Variants in CMTM3 observed in about 807,000 individuals in gnomAD.
CMTM3 encodes CKLF-like MARVEL transmembrane domain-containing protein 3.
A neutral mutation model predicts 18.2 loss-of-function variants in CMTM3; 7 were observed. The observed-to-expected ratio is 0.38, with a 90% CI of 0.22 to 0.72. The LOEUF is 0.72. Ranked by LOEUF, CMTM3 falls within the 30% of genes least tolerant of loss-of-function variation. The pLI, the probability that CMTM3 is intolerant of heterozygous loss-of-function variation, is 0.46. For synonymous variants in CMTM3, 109 were observed against 111.2 expected (o/e 0.98, Z 0.12); for missense variants, 227 against 249.2 (o/e 0.91, Z 0.60).
Position 66,613,003 on chromosome 16 carries a change from G to C in CMTM3, c.*366G>C, listed in dbSNP as rs1596891296. 1.4e-6 allele frequency: 1 copy of C among 701,462 alleles called. No homozygotes were observed. Among genetic ancestry groups the C allele is most frequent in the South Asian group, 1.5e-5 (1 of 67,534 alleles). The allele number at this position is 701,462 out of a possible 1,614,324, so 43.5% of individuals were successfully genotyped here. On this transcript the variant is annotated 3_prime_UTR_variant, in exon 5 of 5. Transcript: ENST00000567572. ...ATGCTGCTAGGTGGCGGGGGTCGGG[G>C]GTCTTCTGTTTCACTAACAGGAACA...
Position 66,610,147 on chromosome 16 carries a change from C to G in CMTM3, c.520+144C>G. 9.9e-7 allele frequency: 1 copy of G among 1,012,750 alleles called. No homozygotes were observed. The highest frequency in any genetic ancestry group is 1.5e-5 in the South Asian group (1 of 65,398). The allele number at this position is 1,012,750 out of a possible 1,614,324, so 62.7% of individuals were successfully genotyped here. A position where few individuals can be genotyped will look rare whatever the true frequency, so the allele number is the denominator to read the frequency against. On this transcript the variant is annotated intron_variant, in intron 4 of 4. Coordinates refer to ENST00000567572, the MANE Select transcript of CMTM3 (RefSeq NM_181553.4). This position sits in a 1 kb window ranked among gnomAD's most constrained non-coding sequence, Gnocchi z 4.6. The stretch of plus-strand genomic sequence containing the variant: ...GTTTTCACAGCCCATTCTCACCTAC[C>G]CTCATGCAGCACTGATCCAAAGCCA...
Position 66,609,952 on chromosome 16 carries a change from T to C in CMTM3, c.469T>C (p.Phe157Leu), listed in dbSNP as rs1168722367. Reference protein sequence around the residue: ...FYLIFNDVAKFLKQGDSADET... With the variant: ...FYLIFNDVAKLLKQGDSADET... ...CCTGATCTTTAACGACGTGGCCAAA[T>C]TCCTCAAACAAGGGGACTCTGCAGA... is the stretch of plus-strand genomic sequence containing the variant. The change falls in exon 4 of 5, where the codon TTC becomes CTC. Residue 157 changes from phenylalanine to leucine, a missense_variant. Coordinates refer to ENST00000567572, the MANE Select transcript of CMTM3 (RefSeq NM_181553.4). This position sits in a 1 kb window ranked among gnomAD's most constrained non-coding sequence, Gnocchi z 4.4. 4 of 1,614,126 alleles carry C rather than the reference T, an allele frequency of 2.5e-6. No homozygotes were observed. The South Asian group carries it at 4.4e-5, about 18-fold the overall frequency.
chr16:66,612,716 C>T lies in CMTM3; in HGVS notation c.*79C>T, dbSNP rs2015428040. 4.2e-6 allele frequency: 6 copies of T among 1,435,244 alleles called. No individual in the cohort carries two copies. The highest frequency in any genetic ancestry group is 1.8e-5 in the Admixed American group (1 of 56,196). The allele number at this position is 1,435,244 out of a possible 1,614,324, so 88.9% of individuals were successfully genotyped here. A position where few individuals can be genotyped will look rare whatever the true frequency, so the allele number is the denominator to read the frequency against. On this transcript the variant is annotated 3_prime_UTR_variant, in exon 5 of 5. Coordinates refer to ENST00000567572, the MANE Select transcript of CMTM3 (RefSeq NM_181553.4). The surrounding 1 kb of genome is among the most constrained non-coding windows in gnomAD (Gnocchi z 6.0). ...CTCACAGGGGTCGCTGGCGTTGGAGCGGAGGCCTGGACTTCTGAGTTGCAG... is the reference window on the plus strand; with the variant it reads ...CTCACAGGGGTCGCTGGCGTTGGAGTGGAGGCCTGGACTTCTGAGTTGCAG...
In CMTM3 at chr16:66,604,855, G is replaced by A. The variant is rs1190687890; in HGVS notation, c.50G>A (p.Gly17Asp). Residue 17 changes from glycine to aspartate, a missense_variant, in exon 1 of 5, where the codon GGC becomes GAC. Gly to Asp is a moderately conservative substitution (Grantham distance 94). Transcript: ENST00000567572. ...GACCCGGACCCCGAGCCTGCCGGCG[G>A]CTCCCGTCCCGGCCCCGCGGTCCCC... ...DPDPDPEPAG[G>D]SRPGPAVPGL... 7.3e-7 allele frequency: 1 copy of A among 1,376,662 alleles called. No homozygotes were observed. The allele number at this position is 1,376,662 out of a possible 1,614,324, so 85.3% of individuals were successfully genotyped here. A position where few individuals can be genotyped will look rare whatever the true frequency, so the allele number is the denominator to read the frequency against.
intron 4 of CMTM3, among the ~76,000 whole-genome samples, chr16:66,611,517 G>A (rs1046501035): frequency 6.6e-6 from 1 of 152,158 alleles, no homozygotes; most frequent in Non-Finnish European, 1.5e-5. Flanking sequence ...CCGGAGTGAG[G>A]GACAGAGCTG....
In CMTM3 at chr16:66,609,649, C is replaced by T. The variant is rs1298399087; in HGVS notation, c.399+119C>T. 19 of 1,518,492 alleles carry T rather than the reference C, an allele frequency of 1.3e-5. No individual in the cohort carries two copies. The East Asian group carries it at 2.5e-4, about 20-fold the overall frequency. 94.1% of individuals were successfully genotyped at this position (1,518,492 alleles called of 1,614,324 possible). A position where few individuals can be genotyped will look rare whatever the true frequency, so the allele number is the denominator to read the frequency against. On this transcript the variant is annotated intron_variant, in intron 3 of 4. Coordinates refer to ENST00000567572, the MANE Select transcript of CMTM3 (RefSeq NM_181553.4). This position sits in a 1 kb window ranked among gnomAD's most constrained non-coding sequence, Gnocchi z 4.4. ...CCCCCCTGGGGTCTCATGTGGGTCC[C>T]GATGATGATTCCAAAGTCCTCTCAT... is the stretch of plus-strand genomic sequence containing the variant.
rs1031286828 is a variant in CMTM3, at chr16:66,609,623, G to C, written c.399+93G>C. 2.6e-6 allele frequency: 4 copies of C among 1,512,930 alleles called. No homozygotes were observed. The highest frequency in any genetic ancestry group is 2.7e-6 in the Non-Finnish European group (3 of 1,118,600). The allele number at this position is 1,512,930 out of a possible 1,614,324, so 93.7% of individuals were successfully genotyped here. A position where few individuals can be genotyped will look rare whatever the true frequency, so the allele number is the denominator to read the frequency against. On this transcript the variant is annotated intron_variant, in intron 3 of 4. Coordinates refer to ENST00000567572, the MANE Select transcript of CMTM3 (RefSeq NM_181553.4). The surrounding 1 kb of genome is among the most constrained non-coding windows in gnomAD (Gnocchi z 4.4). ...TGGGGCAGAGCCTTTCCCTGCTGGGGCCCCCCTGGGGTCTCATGTGGGTCC... is the reference window on the plus strand; with the variant it reads ...TGGGGCAGAGCCTTTCCCTGCTGGGCCCCCCCTGGGGTCTCATGTGGGTCC...
rs2015460012 is a variant in CMTM3, at chr16:66,613,471, C to T, written c.*834C>T. 1 of 279,308 alleles carries T rather than the reference C, an allele frequency of 3.6e-6. No homozygotes were observed. Among genetic ancestry groups the T allele is most frequent in the East Asian group, 6.6e-5 (1 of 15,062 alleles). The allele number at this position is 279,308 out of a possible 1,614,324, so 17.3% of individuals were successfully genotyped here. A position where few individuals can be genotyped will look rare whatever the true frequency, so the allele number is the denominator to read the frequency against. ...ACCCTCAGGACAGTGAACTTCCAGACCTCAGGGCAGGTCTATGGGCCACTG... is the reference window on the plus strand; with the variant it reads ...ACCCTCAGGACAGTGAACTTCCAGATCTCAGGGCAGGTCTATGGGCCACTG... On this transcript the variant is annotated 3_prime_UTR_variant, in exon 5 of 5. Coordinates refer to ENST00000567572, the MANE Select transcript of CMTM3 (RefSeq NM_181553.4).
At position 66,609,596 on chromosome 16, in the gene CMTM3, C is replaced by A; in HGVS notation, c.399+66C>A. 6.5e-7 allele frequency: 1 copy of A among 1,526,816 alleles called. No individual in the cohort carries two copies. Among genetic ancestry groups the A allele is most frequent in the Non-Finnish European group, 8.9e-7 (1 of 1,126,320 alleles). The allele number at this position is 1,526,816 out of a possible 1,614,324, so 94.6% of individuals were successfully genotyped here. On this transcript the variant is annotated intron_variant, in intron 3 of 4. Coordinates refer to ENST00000567572, the MANE Select transcript of CMTM3 (RefSeq NM_181553.4). This position sits in a 1 kb window ranked among gnomAD's most constrained non-coding sequence, Gnocchi z 4.4. ...CTCTAGCCCCTCATTTAGGGTGGGACCTGGGGCAGAGCCTTTCCCTGCTGG... is the reference window on the plus strand; with the variant it reads ...CTCTAGCCCCTCATTTAGGGTGGGAACTGGGGCAGAGCCTTTCCCTGCTGG...
intron 4 of CMTM3, chr16:66,611,123 T>G: frequency 2.7e-6 from 1 of 374,130 alleles, no homozygotes; most frequent in Non-Finnish European, 4.7e-6. Flanking sequence ...GTAACAATTA[T>G]TTTGCTGTAA....
At position 66,604,906 on chromosome 16, in the gene CMTM3, G is replaced by C; in HGVS notation, c.101G>C (p.Arg34Pro). The change falls in exon 1 of 5, where the codon CGG becomes CCG. Residue 34 changes from arginine (R) to proline (P), a missense_variant. Physicochemically the swap from Arg to Pro is moderately radical, Grantham distance 103 (BLOSUM62 -2). Transcript: ENST00000567572. The part of the protein sequence containing the change: ...VPGLRALLPA[R>P]AFLCSLKGRL... ...GGGCTCCGCGCCCTGCTGCCGGCGCGGGCTTTCCTCTGCTCTCTCAAAGGC... is the reference window on the plus strand; with the variant it reads ...GGGCTCCGCGCCCTGCTGCCGGCGCCGGCTTTCCTCTGCTCTCTCAAAGGC... The C allele has an allele frequency of 6.8e-7, 1 of 1,464,808 alleles. No homozygotes were observed. Among genetic ancestry groups the C allele is most frequent in the Non-Finnish European group, 9.0e-7 (1 of 1,115,284 alleles). 90.7% of individuals were successfully genotyped at this position (1,464,808 alleles called of 1,614,324 possible).
rs2015300854 is a variant in CMTM3 at position 66,609,692 on chromosome 16, C to CG, written c.399+166dup. The CG allele has an allele frequency of 1.9e-6, 3 of 1,543,246 alleles. No homozygotes were observed. The South Asian group carries it at 3.6e-5, about 18-fold the overall frequency. On this transcript the variant is annotated intron_variant, in intron 3 of 4. Transcript: ENST00000567572. The surrounding 1 kb of genome is among the most constrained non-coding windows in gnomAD (Gnocchi z 4.4). ...CCTCTCATTAAAGACTGACTCTACC[C>CG]GGGGTTTTGAAAGGCTGTTTGTCAA...
chr16:66,606,877 C>T (rs2015176119), intron 1 of CMTM3, among the ~76,000 whole-genome samples: 1 of 152,200 alleles, frequency 6.6e-6, no homozygotes, highest in African/African-American at 2.4e-5. Flanking sequence ...CCTGTAATCC[C>T]AGCTACTCGG....
Position 66,609,272 on chromosome 16 carries a change from C to A in CMTM3, c.304-163C>A, listed in dbSNP as rs994097928. The A allele has an allele frequency of 1.3e-5, 8 of 624,600 alleles. No individual in the cohort carries two copies. The highest frequency in any genetic ancestry group is 1.8e-5 in the African/African-American group (1 of 54,248). 38.7% of individuals were successfully genotyped at this position (624,600 alleles called of 1,614,324 possible). A position where few individuals can be genotyped will look rare whatever the true frequency, so the allele number is the denominator to read the frequency against. ...GCTGCTGGCAAGGCAGCAGAGGCAC[C>A]TCGGGGGTGGGACAAGGGCCTAGGC... On this transcript the variant is annotated intron_variant, in intron 2 of 4. Transcript: ENST00000567572. The surrounding 1 kb of genome is among the most constrained non-coding windows in gnomAD (Gnocchi z 4.4).
intron 1 of CMTM3, 25 bp downstream of exon 1, chr16:66,604,977 G>T (rs2015080183): frequency 6.8e-7 from 1 of 1,467,336 alleles, no homozygotes; most frequent in Non-Finnish European, 9.0e-7. Context: ...ACCCTCGGCC[G>T]CCCCGCTAGG....
Position 66,609,979 on chromosome 16 carries a change from G to A in CMTM3, c.496G>A (p.Glu166Lys). 1 of 1,614,192 alleles carries A rather than the reference G, an allele frequency of 6.2e-7. No homozygotes were observed. Among genetic ancestry groups the A allele is most frequent in the African/African-American group, 1.3e-5 (1 of 75,054 alleles). ...KFLKQGDSAD[E>K]TTAHKTEEEN... Reference sequence around the variant, plus strand: ...CCTCAAACAAGGGGACTCTGCAGATGAGACCACAGCCCACAAGACAGAAGG... The same window carrying A: ...CCTCAAACAAGGGGACTCTGCAGATAAGACCACAGCCCACAAGACAGAAGG... The change falls in exon 4 of 5, where the codon GAG becomes AAG. Residue 166 changes from glutamate (E) to lysine (K), a missense_variant. Glu to Lys is a moderately conservative substitution (Grantham distance 56). Transcript: ENST00000567572. The surrounding 1 kb of genome is among the most constrained non-coding windows in gnomAD (Gnocchi z 4.4).
intron 4 of CMTM3, among the ~76,000 whole-genome samples, chr16:66,611,786 T>C (rs2015386118): frequency 6.6e-6 from 1 of 152,082 alleles, no homozygotes. Flanking sequence ...GTACACCTCA[T>C]AGGCAGGCCC....
chr16:66,613,329 G>T lies in CMTM3; in HGVS notation c.*692G>T. On this transcript the variant is annotated 3_prime_UTR_variant, in exon 5 of 5. Coordinates refer to ENST00000567572, the MANE Select transcript of CMTM3 (RefSeq NM_181553.4). Reference sequence around the variant, plus strand: ...CAAAGAAGAGCTCATAGACTGACTGGTCCAGAAGACAGAGGGTACAACAGT... The same window carrying T: ...CAAAGAAGAGCTCATAGACTGACTGTTCCAGAAGACAGAGGGTACAACAGT... 1 of 576,008 alleles carries T rather than the reference G, an allele frequency of 1.7e-6. No homozygotes were observed. The highest frequency in any genetic ancestry group is 3.0e-5 in the Admixed American group (1 of 33,646). The allele number at this position is 576,008 out of a possible 1,614,324, so 35.7% of individuals were successfully genotyped here.
At position 66,613,048 on chromosome 16, in the gene CMTM3, G is replaced by A. The variant is rs1457536112; in HGVS notation, c.*411G>A. ...GGAACAAAGACAGAAACCATGACAG[G>A]GCTGCCCCGCCAGGCCCCGGTGGGT... On this transcript the variant is annotated 3_prime_UTR_variant, in exon 5 of 5. Coordinates refer to ENST00000567572, the MANE Select transcript of CMTM3 (RefSeq NM_181553.4). 2.8e-6 allele frequency: 2 copies of A among 702,992 alleles called. No homozygotes were observed. Among genetic ancestry groups the A allele is most frequent in the Non-Finnish European group, 5.2e-6 (2 of 384,994 alleles). The allele number at this position is 702,992 out of a possible 1,614,324, so 43.5% of individuals were successfully genotyped here.
Sources: allele counts gnomAD v4.1 joint callset (sites outside exome capture counted in the v4.1 genomes callset), GRCh38; gene constraint gnomAD v4.1.1; non-coding constraint Gnocchi (gnomAD v3.1); transcripts MANE v1.5; gene names NCBI Gene and HGNC (gene_info 2026-07-23, HGNC 2026-07-21).